The following HPSE2 variants were observed in gnomAD, a reference collection of about 807,000 sequenced individuals.
The protein encoded by HPSE2 is inactive heparanase-2.
A neutral mutation model predicts 60.5 loss-of-function variants in HPSE2; 38 were observed. That is an observed-to-expected ratio of 0.63 (90% confidence interval 0.48 to 0.82). The LOEUF (loss-of-function observed/expected upper bound fraction) is 0.82. Ranked by LOEUF, HPSE2 falls within the 40% of genes least tolerant of loss-of-function variation. The probability of loss-of-function intolerance (pLI) is 0.00; values close to 1 mark genes in which losing one functional copy is unlikely to be tolerated. For missense variants in HPSE2, 713 were observed against 740.4 expected (o/e 0.96, Z 0.43); for synonymous variants, 295 against 293.2 (o/e 1.01, Z -0.06).
At chr10:98,887,522 C>A (rs1336963136) in intron 3 of HPSE2, among the ~76,000 whole-genome samples, 1 of 151,996 alleles carries the variant, frequency 6.6e-6, no homozygotes, top group Non-Finnish European at 1.5e-5. Context: ...TTATGAAAGC[C>A]ATAGGGCCAG....
At chr10:98,859,331 T>G (rs978395853) in intron 3 of HPSE2, among the ~76,000 whole-genome samples, 1 of 152,176 alleles carries the variant, frequency 6.6e-6, no homozygotes, top group Non-Finnish European at 1.5e-5. Context: ...GTTAATATTA[T>G]GTGTCAACTT....
At chr10:98,543,267 C>G (rs1220765158) in intron 9 of HPSE2, among the ~76,000 whole-genome samples, 1 of 152,050 alleles carries the variant, frequency 6.6e-6, no homozygotes, top group Non-Finnish European at 1.5e-5. Context: ...ACTTTACAGA[C>G]AAGCAAATGC....
intron 3 of HPSE2, among the ~76,000 whole-genome samples, chr10:99,022,387 G>A (rs1466076337): frequency 6.6e-6 from 1 of 152,118 alleles, no homozygotes; most frequent in Non-Finnish European, 1.5e-5. Context: ...ACAGCACTCT[G>A]TGTCTCCAAA....
intron 3 of HPSE2, among the ~76,000 whole-genome samples, chr10:98,850,224 A>C (rs532433607): frequency 1.3e-5 from 2 of 152,298 alleles, no homozygotes; most frequent in East Asian, 3.9e-4. Context: ...GTAGCACACA[A>C]ATCATCCCAT....
At position 98,989,431 on chromosome 10, in the gene HPSE2, G is replaced by GT. The variant is rs769878046; in HGVS notation, c.610+154806dup. Among the ~76,000 whole-genome samples the GT allele has an allele frequency of 2.0e-5, 3 of 150,558 alleles. No homozygotes were observed. In the East Asian group the frequency reaches 5.9e-4, roughly 30 times the overall value. On this transcript the variant is annotated intron_variant, in intron 3 of 11. Transcript: ENST00000370552. Reference sequence around the variant, plus strand: ...AAACACTGCATGTTCTCACTCATAGGTGGGAATTGAACAATGAGAACACAT... The same window carrying GT: ...AAACACTGCATGTTCTCACTCATAGGTTGGGAATTGAACAATGAGAACACAT...
rs568058069 is a variant in HPSE2 at position 99,081,158 on chromosome 10, G to A, written c.610+63080C>T. 6.6e-5 allele frequency among the ~76,000 whole-genome samples: 10 copies of A among 152,280 alleles called. No homozygotes were observed. The East Asian group carries it at 9.7e-4, about 15-fold the overall frequency. ...ATGTTGGTAGAGTGTGCAAACATCC[G>A]AAGGTAAAGTAAAAAACTGTTAAAT... On this transcript the variant is annotated intron_variant, in intron 3 of 11. Transcript: ENST00000370552.
intron 6 of HPSE2, among the ~76,000 whole-genome samples, chr10:98,674,764 C>T (rs1334143679): frequency 1.3e-5 from 2 of 152,096 alleles, no homozygotes; most frequent in Non-Finnish European, 2.9e-5. Context: ...AAAACACACA[C>T]ACAAAAAAAT....
chr10:98,745,199 C>G (rs921038730), intron 3 of HPSE2, among the ~76,000 whole-genome samples: 9 of 152,088 alleles, frequency 5.9e-5, no homozygotes, highest in Non-Finnish European at 1.0e-4. Context: ...GAGGCTCCGT[C>G]TCAAATAAAT....
At chr10:98,597,963 T>C (rs1234967213) in intron 9 of HPSE2, among the ~76,000 whole-genome samples, 2 of 92,428 alleles carry the variant, frequency 2.2e-5, no homozygotes, top group Admixed American at 1.7e-4. Context: ...AGAGTGAGAC[T>C]CCATCTCAAA....
intron 3 of HPSE2, among the ~76,000 whole-genome samples, chr10:98,879,534 G>A (rs376322698): frequency 6.6e-6 from 1 of 151,872 alleles, no homozygotes; most frequent in African/African-American, 2.4e-5. Flanking sequence ...TTGAGGCAAT[G>A]GATTTCTTAG....
chr10:99,017,159 T>C (rs1447944072), intron 3 of HPSE2, among the ~76,000 whole-genome samples: 1 of 152,220 alleles, frequency 6.6e-6, no homozygotes, highest in African/African-American at 2.4e-5. Flanking sequence ...ATGATGGCTA[T>C]GGGTTTGTCA....
intron 9 of HPSE2, among the ~76,000 whole-genome samples, chr10:98,527,813 C>G (rs1943014845): frequency 6.6e-6 from 1 of 152,158 alleles, no homozygotes; most frequent in Admixed American, 6.5e-5. Flanking sequence ...AGTAACTAAA[C>G]CTGTCTCTCA....
intron 2 of HPSE2, among the ~76,000 whole-genome samples, chr10:99,178,412 A>C (rs1847619923): frequency 6.6e-6 from 1 of 152,118 alleles, no homozygotes; most frequent in African/African-American, 2.4e-5. Flanking sequence ...AATCAAATAG[A>C]CACAACAAAA....
intron 3 of HPSE2, among the ~76,000 whole-genome samples, chr10:99,068,369 T>C (rs1461107471): frequency 1.3e-5 from 2 of 152,194 alleles, no homozygotes; most frequent in Non-Finnish European, 2.9e-5. Flanking sequence ...ATTGACACAG[T>C]TCCACGTGGC....
intron 9 of HPSE2, among the ~76,000 whole-genome samples, chr10:98,532,557 A>G (rs1347275953): frequency 6.6e-6 from 1 of 152,212 alleles, no homozygotes; most frequent in Non-Finnish European, 1.5e-5. Flanking sequence ...CTTGATACAT[A>G]ATACACACTC....
At chr10:98,620,519 G>A (rs1313646754) in intron 8 of HPSE2, 83 bp downstream of exon 8, 3 of 968,022 alleles carry the variant, frequency 3.1e-6, no homozygotes, top group East Asian at 2.5e-5. Flanking sequence ...CCCCTAGGAT[G>A]GGCAGAATAA....
intron 3 of HPSE2, among the ~76,000 whole-genome samples, chr10:98,855,077 T>C (rs934410504): frequency 6.6e-6 from 1 of 152,138 alleles, no homozygotes; most frequent in Admixed American, 6.6e-5. Context: ...TAGCATGAAT[T>C]CTACAGACAG....
chr10:98,986,236 T>G (rs536140819), intron 3 of HPSE2, among the ~76,000 whole-genome samples: 9 of 152,278 alleles, frequency 5.9e-5, no homozygotes, highest in African/African-American at 1.7e-4. Flanking sequence ...GACCACATAG[T>G]TGGAAGTAAA....
intron 9 of HPSE2, among the ~76,000 whole-genome samples, chr10:98,518,244 G>A (rs1157183704): frequency 1.3e-5 from 2 of 152,194 alleles, no homozygotes; most frequent in African/African-American, 2.4e-5. Context: ...TGCTGGTGCA[G>A]AGGTTTTGTT....
Sources: allele counts gnomAD v4.1 joint callset (sites outside exome capture counted in the v4.1 genomes callset), GRCh38; gene constraint gnomAD v4.1.1; transcripts MANE v1.5; gene names NCBI Gene and HGNC (gene_info 2026-07-23, HGNC 2026-07-21).